ANK2: variants seen among roughly 807,000 people sequenced by gnomAD.
ANK2 encodes the protein ankyrin 2, also known as ankyrin-2.
A neutral mutation model predicts 360.5 loss-of-function variants in ANK2; 83 were observed. The observed-to-expected ratio is 0.23, with a 90% CI of 0.19 to 0.28. ANK2 has a LOEUF of 0.28. ANK2 is among the 10% of genes least tolerant of loss of function. The pLI is 1.00. For synonymous variants in ANK2, 1,740 were observed against 1,759.5 expected, an observed-to-expected ratio of 0.99 and a Z score of 0.28; for missense variants, 4,201 against 4,795.7, an observed-to-expected ratio of 0.88 and a Z score of 3.66.
At chr4:113,232,280 G>A in intron 5 of ANK2, 21 bp downstream of exon 5, 2 of 1,515,958 alleles carry the variant, frequency 1.3e-6, no homozygotes, top group East Asian at 2.3e-5. Flanking sequence ...CAGCCCTAAA[G>A]CCTTGAATTC....
At position 113,186,916 on chromosome 4, in the gene ANK2, C is replaced by A. The variant is rs532425763; in HGVS notation, c.187-9452C>A. ...GCCTCATGTGGCAGTTGTTTTTAGT[C>A]CCCATACTCAGTTCATTTTTTACCT... On this transcript the variant is annotated intron_variant, in intron 2 of 45. Coordinates refer to ENST00000357077, the MANE Select transcript of ANK2 (RefSeq NM_001148.6). Among the ~76,000 whole-genome samples the A allele has an allele frequency of 1.7e-4, 26 of 150,728 alleles. No homozygotes were observed. In the South Asian group the frequency reaches 5.3e-3, roughly 30 times the overall value.
At chr4:113,367,945 C>T (rs2096594129) in intron 42 of ANK2, 94 bp downstream of exon 42, 2 of 1,456,750 alleles carry the variant, frequency 1.4e-6, no homozygotes, top group South Asian at 1.2e-5. Context: ...TTTTTAAATA[C>T]TTTTTAAAAT....
intron 2 of ANK2, among the ~76,000 whole-genome samples, chr4:112,986,442 G>C (rs571853703): frequency 4.6e-5 from 7 of 152,116 alleles, no homozygotes; most frequent in African/African-American, 1.7e-4. Context: ...GCCAGCAGAG[G>C]GTTTTTGTTT....
intron 2 of ANK2, among the ~76,000 whole-genome samples, chr4:112,940,362 G>A (rs2094117561): frequency 1.3e-5 from 2 of 152,118 alleles, no homozygotes; most frequent in South Asian, 4.1e-4. Context: ...AGGAACTGTA[G>A]AAATCACCTA....
the ANK2 span, among the ~76,000 whole-genome samples, chr4:112,785,732 G>T: frequency 6.6e-6 from 1 of 151,722 alleles, no homozygotes; most frequent in African/African-American, 2.4e-5. Context: ...TAGTGGGCGC[G>T]ATCATAGCTC....
chr4:113,117,722 G>C (rs1295004385), intron 1 of ANK2, among the ~76,000 whole-genome samples: 2 of 152,054 alleles, frequency 1.3e-5, no homozygotes. Flanking sequence ...GCTACTCTTA[G>C]TACTGGGCAC....
At chr4:113,080,322 T>A (rs2081900613) in intron 1 of ANK2, among the ~76,000 whole-genome samples, 1 of 152,170 alleles carries the variant, frequency 6.6e-6, no homozygotes, top group Non-Finnish European at 1.5e-5. Context: ...TCTGAGATGA[T>A]CTCTGTAACA....
chr4:113,144,761 GT>G (rs1250924828), intron 1 of ANK2, among the ~76,000 whole-genome samples: 2 of 146,802 alleles, frequency 1.4e-5, no homozygotes, highest in East Asian at 1.9e-4. Flanking sequence ...ATTTTATATG[GT>G]TTTTAAACTA....
At chr4:113,278,669 G>T in intron 17 of ANK2, 111 bp downstream of exon 17, 1 of 1,072,280 alleles carries the variant, frequency 9.3e-7, no homozygotes, top group Non-Finnish European at 1.4e-6. Flanking sequence ...TAGTCCTAGC[G>T]ATAGTAGCTT....
intron 5 of ANK2, among the ~76,000 whole-genome samples, chr4:113,236,377 A>G (rs2099384200): frequency 6.6e-6 from 1 of 152,108 alleles, no homozygotes. Flanking sequence ...ATGTAATTTT[A>G]TATCTCAATG....
the ANK2 span, among the ~76,000 whole-genome samples, chr4:112,753,005 T>C: frequency 6.6e-6 from 1 of 152,168 alleles, no homozygotes; most frequent in Non-Finnish European, 1.5e-5. Context: ...ATGCTGTCTC[T>C]ATGACCACTG....
At chr4:113,188,743 T>A (rs1243548949) in intron 2 of ANK2, among the ~76,000 whole-genome samples, 1 of 152,188 alleles carries the variant, frequency 6.6e-6, no homozygotes, top group Non-Finnish European at 1.5e-5. Context: ...TTAAATTAAG[T>A]CCTTCCTTCA....
At chr4:112,750,769 C>T in the ANK2 span, among the ~76,000 whole-genome samples, 1 of 151,902 alleles carries the variant, frequency 6.6e-6, no homozygotes, top group African/African-American at 2.4e-5. Flanking sequence ...ACTCTGTCAT[C>T]CAGGCTGGAG....
At chr4:112,965,070 C>T (rs370120519) in intron 2 of ANK2, among the ~76,000 whole-genome samples, 3 of 152,254 alleles carry the variant, frequency 2.0e-5, no homozygotes, top group African/African-American at 7.2e-5. Flanking sequence ...TTTTGAGGAA[C>T]CTCCAAACTA....
chr4:113,178,871 A>T (rs1391020506), intron 2 of ANK2, among the ~76,000 whole-genome samples: 2 of 152,198 alleles, frequency 1.3e-5, no homozygotes, highest in Admixed American at 1.3e-4. Context: ...TCTGTGTCCC[A>T]AGTCCAAGCT....
At chr4:113,091,102 T>G (rs2087789661) in intron 1 of ANK2, among the ~76,000 whole-genome samples, 1 of 152,210 alleles carries the variant, frequency 6.6e-6, no homozygotes, top group South Asian at 2.1e-4. Flanking sequence ...TGAATAGCAG[T>G]GGTACAGGTT....
chr4:112,899,449 C>T (rs986703949), intron 1 of ANK2, among the ~76,000 whole-genome samples: 1 of 151,988 alleles, frequency 6.6e-6, no homozygotes, highest in African/African-American at 2.4e-5. Flanking sequence ...TTTTTTCTCC[C>T]TCTGGCCCCA....
the ANK2 span, among the ~76,000 whole-genome samples, chr4:112,761,284 A>G: frequency 6.6e-6 from 1 of 152,064 alleles, no homozygotes; most frequent in East Asian, 1.9e-4. Context: ...AAGCCTTTCT[A>G]TGGTGTCTTA....
chr4:112,926,474 T>C (rs1561129291), intron 2 of ANK2, among the ~76,000 whole-genome samples: 1 of 152,242 alleles, frequency 6.6e-6, no homozygotes, highest in Non-Finnish European at 1.5e-5. Context: ...GATTCAATTA[T>C]GTCAGCATAA....
Sources: allele counts gnomAD v4.1 joint callset (sites outside exome capture counted in the v4.1 genomes callset), GRCh38; gene constraint gnomAD v4.1.1; transcripts MANE v1.5; gene names NCBI Gene and HGNC (gene_info 2026-07-23, HGNC 2026-07-21).